Variants in PTGER3 observed in about 807,000 individuals in gnomAD.
The protein encoded by PTGER3 is prostaglandin E2 receptor EP3 subtype.
Under a neutral mutation model 34.7 loss-of-function variants are expected in PTGER3, and 22 were observed. The ratio of observed to expected loss-of-function variants is 0.63; its 90% CI spans 0.45 to 0.91. PTGER3 has a LOEUF of 0.91. Among genes scored for constraint, PTGER3 ranks in the 40% least tolerant of loss-of-function variants. PTGER3 has a pLI of 0.00. For synonymous variants in PTGER3, 241 were observed against 230.1 expected, an observed-to-expected ratio of 1.05 and a Z score of -0.43; for missense variants, 468 against 519.4, an observed-to-expected ratio of 0.90 and a Z score of 0.96.
chr1:70,965,585 A>G (rs142365104), intron 2 of PTGER3, among the ~76,000 whole-genome samples: 16 of 152,240 alleles, frequency 1.1e-4, no homozygotes, highest in African/African-American at 3.9e-4. Context: ...TTCCCTCCAT[A>G]CTTAATATGA....
At chr1:70,967,856 T>G (rs970572509), downstream of PTGER3, among the ~76,000 whole-genome samples, 1 of 152,224 alleles carries the variant, frequency 6.6e-6, no homozygotes, top group African/African-American at 2.4e-5. Flanking sequence ...GTCAACTCTG[T>G]CTGAATTTTC....
chr1:70,863,839 A>G (rs550552398), intron 4 of PTGER3, among the ~76,000 whole-genome samples: 2 of 152,286 alleles, frequency 1.3e-5, no homozygotes, highest in Non-Finnish European at 2.9e-5. Flanking sequence ...TATGGTGAGT[A>G]TATGGTAGAT....
chr1:70,908,355 C>T (rs1034713042), intron 4 of PTGER3, among the ~76,000 whole-genome samples: 2 of 152,294 alleles, frequency 1.3e-5, no homozygotes, highest in South Asian at 4.1e-4. Flanking sequence ...CTGGATGCCA[C>T]TGCTCTTAGG....
intron 2 of PTGER3, among the ~76,000 whole-genome samples, chr1:70,975,753 T>A (rs772505469): frequency 2.6e-5 from 4 of 152,200 alleles, no homozygotes; most frequent in Admixed American, 1.3e-4. Flanking sequence ...AAAAGTTTAG[T>A]GGCAATTTGC....
rs1157495383 is a variant in PTGER3 at position 71,047,620 on chromosome 1, A to G, written c.-43T>C. ...GAGGGGATGGCGTCCAGAGAGCCGC[A>G]GCGGGAGGGGGCAGACGCGGCGCGG... On this transcript the variant is annotated 5_prime_UTR_variant, in exon 1 of 4. Coordinates refer to ENST00000306666, the MANE Select transcript of PTGER3 (RefSeq NM_198719.2). 2.7e-6 allele frequency: 4 copies of G among 1,478,126 alleles called. No homozygotes were observed. In the South Asian group the frequency reaches 4.2e-5, roughly 15 times the overall value. The allele number at this position is 1,478,126 out of a possible 1,614,324, so 91.6% of individuals were successfully genotyped here. A position where few individuals can be genotyped will look rare whatever the true frequency, so the allele number is the denominator to read the frequency against.
intron 2 of PTGER3, chr1:71,009,310 TA>T (rs1423603665): frequency 5.1e-6 from 5 of 983,594 alleles, no homozygotes. Flanking sequence ...GGATATTTCA[TA>T]AAATAAAGAA....
intron 4 of PTGER3, among the ~76,000 whole-genome samples, chr1:70,873,418 C>T (rs369502092): frequency 7.2e-5 from 11 of 152,028 alleles, no homozygotes; most frequent in South Asian, 4.1e-4. Context: ...TTCATGGGCA[C>T]GGTGAGTCAT....
At chr1:70,991,602 T>C (rs1336809307) in intron 2 of PTGER3, among the ~76,000 whole-genome samples, 2 of 152,236 alleles carry the variant, frequency 1.3e-5, no homozygotes, top group Middle Eastern at 3.4e-3. Flanking sequence ...GAAGAGAATT[T>C]TGAAATGGGC....
intron 4 of PTGER3, among the ~76,000 whole-genome samples, chr1:70,854,940 G>T (rs947260557): frequency 1.3e-5 from 2 of 152,226 alleles, no homozygotes; most frequent in South Asian, 2.1e-4. Context: ...CTAAAAATGC[G>T]ATTACCATAT....
intron 4 of PTGER3, among the ~76,000 whole-genome samples, chr1:70,932,492 A>T (rs1387476507): frequency 6.6e-6 from 1 of 152,148 alleles, no homozygotes; most frequent in Non-Finnish European, 1.5e-5. Context: ...GCTTAATTGG[A>T]TTTACAGTGC....
chr1:71,046,666 C>T lies in PTGER3; in HGVS notation c.897+15G>A. ...CACACGCATCCTGACTTCCCCCAAC[C>T]CTGGAACTACCTACCAGGAGCGGAG... is the stretch of plus-strand genomic sequence containing the variant. On this transcript the variant is annotated intron_variant, in intron 1 of 3. Coordinates refer to ENST00000306666, the MANE Select transcript of PTGER3 (RefSeq NM_198719.2). The T allele has an allele frequency of 1.3e-6, 2 of 1,530,918 alleles. No homozygotes were observed. Among genetic ancestry groups the T allele is most frequent in the South Asian group, 2.5e-5 (2 of 79,082 alleles). 94.8% of individuals were successfully genotyped at this position (1,530,918 alleles called of 1,614,324 possible).
chr1:70,911,068 A>T (rs1647050538), intron 4 of PTGER3, among the ~76,000 whole-genome samples: 1 of 147,090 alleles, frequency 6.8e-6, no homozygotes, highest in African/African-American at 2.5e-5. Flanking sequence ...CGACAGAGCG[A>T]GACTCCATTT....
intron 4 of PTGER3, among the ~76,000 whole-genome samples, chr1:70,904,064 G>A (rs1646895442): frequency 6.6e-6 from 1 of 150,442 alleles, no homozygotes; most frequent in African/African-American, 2.4e-5. Flanking sequence ...TCCTGTGATA[G>A]TGAATGAGTC....
At chr1:70,866,954 C>T (rs1646055493) in intron 4 of PTGER3, among the ~76,000 whole-genome samples, 1 of 152,234 alleles carries the variant, frequency 6.6e-6, no homozygotes, top group African/African-American at 2.4e-5. Context: ...CTCCTTACCA[C>T]ATCAGAGGTG....
At chr1:70,871,326 A>T (rs1266044075) in intron 4 of PTGER3, among the ~76,000 whole-genome samples, 1 of 152,148 alleles carries the variant, frequency 6.6e-6, no homozygotes, top group Non-Finnish European at 1.5e-5. Context: ...CACCATCATG[A>T]GGACACCACC....
intron 4 of PTGER3, among the ~76,000 whole-genome samples, chr1:70,917,496 G>A (rs773096385): frequency 1.1e-4 from 16 of 149,504 alleles, no homozygotes; most frequent in Non-Finnish European, 1.5e-5. Context: ...CTTGGCTATT[G>A]TGAATAGCAC....
chr1:70,856,191 A>G (rs1645798900), intron 4 of PTGER3, among the ~76,000 whole-genome samples: 2 of 152,246 alleles, frequency 1.3e-5, no homozygotes, highest in Admixed American at 6.5e-5. Flanking sequence ...TTATTTAGGA[A>G]CTGTTAACAA....
chr1:71,003,717 G>A lies in PTGER3; in HGVS notation c.1077+8588C>T, dbSNP rs572373269. On this transcript the variant is annotated intron_variant, in intron 2 of 3. Coordinates refer to ENST00000306666, the MANE Select transcript of PTGER3 (RefSeq NM_198719.2). ...ATTTACTGTTATGGACATATCGTTA[G>A]ATAGATGTCAAGGAATTTTGGCATT... Among the ~76,000 whole-genome samples, 3 of 152,260 alleles carry A rather than the reference G, an allele frequency of 2.0e-5. No homozygotes were observed. The South Asian group carries it at 6.2e-4, about 32-fold the overall frequency.
intron 2 of PTGER3, among the ~76,000 whole-genome samples, chr1:70,976,911 G>T (rs1012823122): frequency 2.0e-5 from 3 of 152,074 alleles, no homozygotes; most frequent in Non-Finnish European, 4.4e-5. Flanking sequence ...TCTTGTTCTT[G>T]TTTCAACTAA....
Sources: gnomAD v4.1 joint callset for allele counts (sites outside exome capture counted in the v4.1 genomes callset) on GRCh38, gnomAD v4.1.1 for gene constraint, MANE v1.5 for transcripts, NCBI Gene and HGNC (gene_info 2026-07-23, HGNC 2026-07-21) for gene names.